The following EPS15 variants were observed in gnomAD, a reference collection of about 807,000 sequenced individuals.
EPS15 encodes epidermal growth factor receptor pathway substrate 15.
A neutral mutation model predicts 113.8 loss-of-function variants in EPS15; 72 were observed. The observed-to-expected ratio is 0.63, with a 90% CI of 0.52 to 0.77. EPS15 has a LOEUF of 0.77. Ranked by LOEUF, EPS15 falls within the 30% of genes least tolerant of loss-of-function variation. The pLI is 0.00. For synonymous variants in EPS15, 344 were observed against 363.4 expected, an observed-to-expected ratio of 0.95 and a Z score of 0.61; for missense variants, 1,048 against 1,045.8, an observed-to-expected ratio of 1.00 and a Z score of -0.03.
At position 51,482,501 on chromosome 1, in the gene EPS15, G is replaced by A. The variant is rs185118594; in HGVS notation, c.34-1187C>T. The stretch of plus-strand genomic sequence containing the variant: ...TTGTAGAGTAAAAAAAAATGAAGTC[G>A]CCCAGGCTGGAGTACAGTGGCGTGG... On this transcript the variant is annotated intron_variant, in intron 1 of 24. Coordinates refer to ENST00000371733, the MANE Select transcript of EPS15 (RefSeq NM_001981.3). 2.6e-5 allele frequency among the ~76,000 whole-genome samples: 4 copies of A among 151,978 alleles called. No individual in the cohort carries two copies. In the East Asian group the frequency reaches 7.8e-4, roughly 29 times the overall value.
chr1:51,499,152 G>T (rs551345086), intron 1 of EPS15, among the ~76,000 whole-genome samples: 1 of 152,180 alleles, frequency 6.6e-6, no homozygotes, highest in Non-Finnish European at 1.5e-5. Context: ...AGAACTGGAA[G>T]AAATAAATTT....
chr1:51,490,393 A>G (rs60723428), intron 1 of EPS15: 8,530 of 346,696 alleles, frequency 0.025, 128 homozygotes, highest in African/African-American at 0.05. Flanking sequence ...GTGAAACCCC[A>G]TCTCTACTAA....
chr1:51,383,654 C>T (rs911166125), intron 21 of EPS15, among the ~76,000 whole-genome samples: 1 of 152,200 alleles, frequency 6.6e-6, no homozygotes, highest in Non-Finnish European at 1.5e-5. Flanking sequence ...TCCTCCTGTG[C>T]AGCCTGGTTC....
At chr1:51,407,477 C>T (rs1649239225) in intron 15 of EPS15, among the ~76,000 whole-genome samples, 1 of 152,182 alleles carries the variant, frequency 6.6e-6, no homozygotes, top group African/African-American at 2.4e-5. Flanking sequence ...GGATTACAGG[C>T]ATGGGCCACC....
Position 51,374,967 on chromosome 1 carries a change from C to T in EPS15, c.2120-8938G>A, listed in dbSNP as rs996024800. On this transcript the variant is annotated intron_variant, in intron 21 of 24. Transcript: ENST00000371733. ...CTGGAATTACAGGTGTAAGCCACCTCGCCCAGCCATAAAATATTTAATATA... is the reference window on the plus strand; with the variant it reads ...CTGGAATTACAGGTGTAAGCCACCTTGCCCAGCCATAAAATATTTAATATA... Among the ~76,000 whole-genome samples the T allele has an allele frequency of 5.3e-5, 8 of 150,502 alleles. No individual in the cohort carries two copies. The South Asian group carries it at 1.5e-3, about 28-fold the overall frequency.
At position 51,445,051 on chromosome 1, in the gene EPS15, C is replaced by A. The variant is rs1652903005; in HGVS notation, c.798-6G>T. 2 of 1,609,464 alleles carry A rather than the reference C, an allele frequency of 1.2e-6. No homozygotes were observed. Among genetic ancestry groups the A allele is most frequent in the Non-Finnish European group, 1.7e-6 (2 of 1,177,548 alleles). On this transcript the variant is annotated splice_region_variant and splice_polypyrimidine_tract_variant and intron_variant, in intron 10 of 24. Transcript: ENST00000371733. ...CCTTTGTGTCGCATAATGACCTGCA[C>A]AAATAAACAAAATGAATGGTATGTA... is the stretch of plus-strand genomic sequence containing the variant.
intron 21 of EPS15, among the ~76,000 whole-genome samples, chr1:51,375,159 G>GC (rs969211222): frequency 6.6e-6 from 1 of 151,526 alleles, no homozygotes; most frequent in African/African-American, 2.4e-5. Flanking sequence ...CCGCCACCAC[G>GC]CCCGGCTAAT....
chr1:51,360,037 T>C (rs1346477222), intron 24 of EPS15, among the ~76,000 whole-genome samples: 1 of 152,072 alleles, frequency 6.6e-6, no homozygotes, highest in Non-Finnish European at 1.5e-5. Flanking sequence ...TTAAAGCACT[T>C]TGGCCTCTTA....
At chr1:51,485,836 C>T (rs1298956326) in intron 1 of EPS15, among the ~76,000 whole-genome samples, 2 of 152,044 alleles carry the variant, frequency 1.3e-5, no homozygotes, top group South Asian at 2.1e-4. Context: ...TCGCTCTTGT[C>T]GCCCAGGGTG....
chr1:51,393,440 G>A (rs778080665), intron 21 of EPS15, among the ~76,000 whole-genome samples: 1 of 152,180 alleles, frequency 6.6e-6, no homozygotes, highest in Non-Finnish European at 1.5e-5. Flanking sequence ...GACCTCAAGT[G>A]ATCTACCTGC....
intron 12 of EPS15, among the ~76,000 whole-genome samples, chr1:51,426,195 T>C (rs1425952268): frequency 6.6e-6 from 1 of 151,736 alleles, no homozygotes. Context: ...AGCAGTCCTT[T>C]TAGGAGATTG....
chr1:51,410,577 C>G (rs950663903), intron 13 of EPS15, among the ~76,000 whole-genome samples: 4 of 152,098 alleles, frequency 2.6e-5, no homozygotes, highest in African/African-American at 9.7e-5. Flanking sequence ...TGCTTAATAA[C>G]AAGAACTACA....
chr1:51,365,076 C>T (rs1322206856), intron 22 of EPS15, among the ~76,000 whole-genome samples: 1 of 152,200 alleles, frequency 6.6e-6, no homozygotes. Flanking sequence ...AGACAATCCA[C>T]CTGCCTTGGC....
intron 13 of EPS15, among the ~76,000 whole-genome samples, chr1:51,418,504 G>A (rs1413259856): frequency 3.3e-5 from 5 of 151,934 alleles, no homozygotes; most frequent in African/African-American, 4.8e-5. Flanking sequence ...AGGAAGGGGG[G>A]GAAAATGGCC....
chr1:51,406,815 C>T (rs919986345), intron 15 of EPS15, among the ~76,000 whole-genome samples: 1 of 152,138 alleles, frequency 6.6e-6, no homozygotes, highest in Non-Finnish European at 1.5e-5. Context: ...AACCATGACT[C>T]TGCTAGGGGA....
chr1:51,513,374 T>C (rs969118043), intron 1 of EPS15, among the ~76,000 whole-genome samples: 1 of 152,246 alleles, frequency 6.6e-6, no homozygotes, highest in African/African-American at 2.4e-5. Flanking sequence ...GGGAGATCTA[T>C]ATGTGATGTT....
chr1:51,489,875 A>C (rs1644199841), intron 1 of EPS15, among the ~76,000 whole-genome samples: 1 of 152,172 alleles, frequency 6.6e-6, no homozygotes, highest in Admixed American at 6.5e-5. Flanking sequence ...CTGCTCCTCC[A>C]GCCCGGATCC....
intron 21 of EPS15, among the ~76,000 whole-genome samples, chr1:51,379,028 C>A (rs1165783649): frequency 6.6e-6 from 1 of 152,186 alleles, no homozygotes; most frequent in Non-Finnish European, 1.5e-5. Flanking sequence ...TGCTGAGTTA[C>A]ATTATAATCA....
At chr1:51,431,539 G>A (rs981493730) in intron 12 of EPS15, among the ~76,000 whole-genome samples, 9 of 151,698 alleles carry the variant, frequency 5.9e-5, no homozygotes, top group Admixed American at 6.6e-5. Flanking sequence ...TCTGCCTCCC[G>A]GGTTCAAGCA....
Sources: allele counts gnomAD v4.1 joint callset (sites outside exome capture counted in the v4.1 genomes callset), GRCh38; gene constraint gnomAD v4.1.1; transcripts MANE v1.5; gene names NCBI Gene and HGNC (gene_info 2026-07-23, HGNC 2026-07-21).